CA10: variants seen among roughly 807,000 people sequenced by gnomAD.
CA10 encodes the protein carbonic anhydrase-related protein 10.
A neutral mutation model predicts 44.2 loss-of-function variants in CA10; 14 were observed. The ratio of observed to expected loss-of-function variants is 0.32; its 90% CI spans 0.21 to 0.50. The LOEUF (loss-of-function observed/expected upper bound fraction) is 0.50, where lower values mean the gene tolerates loss of function less well. CA10 is among the 20% of genes least tolerant of loss of function. The probability of loss-of-function intolerance (pLI) is 0.99; values close to 1 mark genes in which losing one functional copy is unlikely to be tolerated. For missense variants in CA10, 350 were observed against 409.7 expected, an observed-to-expected ratio of 0.85 and a Z score of 1.26; for synonymous variants, 159 against 141.6, an observed-to-expected ratio of 1.12 and a Z score of -0.87.
At chr17:51,984,099 CT>C (rs1984745965) in intron 2 of CA10, among the ~76,000 whole-genome samples, 1 of 151,632 alleles carries the variant, frequency 6.6e-6, no homozygotes, top group African/African-American at 2.4e-5. Context: ...TTCTATTAGA[CT>C]ACTAATGTAA....
intron 4 of CA10, among the ~76,000 whole-genome samples, chr17:51,674,547 C>T (rs891356748): frequency 6.6e-6 from 1 of 152,074 alleles, no homozygotes; most frequent in Non-Finnish European, 1.5e-5. Flanking sequence ...TTCCCAGAGG[C>T]ATATATAGAA....
intron 4 of CA10, among the ~76,000 whole-genome samples, chr17:51,746,056 C>T (rs1904675222): frequency 6.6e-6 from 1 of 152,168 alleles, no homozygotes; most frequent in Admixed American, 6.5e-5. Context: ...CATTACAATG[C>T]CTTTGGCAGA....
intron 3 of CA10, among the ~76,000 whole-genome samples, chr17:51,878,025 TC>T (rs1462737361): frequency 7.3e-5 from 11 of 150,672 alleles, no homozygotes; most frequent in Non-Finnish European, 8.8e-5. Flanking sequence ...ACGTATGTAG[TC>T]CCAGCTACTC....
chr17:52,156,317 C>T (rs561655875), intron 1 of CA10, among the ~76,000 whole-genome samples: 2 of 152,268 alleles, frequency 1.3e-5, no homozygotes, highest in Admixed American at 1.3e-4. Flanking sequence ...ATTTTCACTC[C>T]TAGATGCAGA....
At chr17:51,912,943 G>A (rs1159792311) in intron 3 of CA10, among the ~76,000 whole-genome samples, 2 of 152,182 alleles carry the variant, frequency 1.3e-5, no homozygotes, top group Non-Finnish European at 1.5e-5. Flanking sequence ...CCTTCTGCAG[G>A]CAGTTCACTT....
chr17:51,902,494 A>T (rs1307241697), intron 3 of CA10, among the ~76,000 whole-genome samples: 3 of 152,158 alleles, frequency 2.0e-5, no homozygotes, highest in Admixed American at 2.0e-4. Flanking sequence ...GTTACAGAAA[A>T]TGAGGGGCAG....
At chr17:51,632,477 G>A (rs1238154836) in intron 8 of CA10, among the ~76,000 whole-genome samples, 1 of 152,210 alleles carries the variant, frequency 6.6e-6, no homozygotes, top group Non-Finnish European at 1.5e-5. Context: ...GGAGGATCAA[G>A]GAGTAGTGGT....
chr17:52,004,175 A>C (rs1301564787), intron 2 of CA10, among the ~76,000 whole-genome samples: 2 of 151,952 alleles, frequency 1.3e-5, no homozygotes, highest in East Asian at 3.9e-4. Context: ...GCTTCTTCTT[A>C]TACTATAATT....
intron 3 of CA10, among the ~76,000 whole-genome samples, chr17:51,882,121 T>C (rs1339569066): frequency 6.7e-6 from 1 of 149,664 alleles, no homozygotes; most frequent in Non-Finnish European, 1.5e-5. Context: ...GACTTTAAAA[T>C]AGATGCGTAT....
chr17:52,150,059 T>C (rs925432335), intron 1 of CA10, among the ~76,000 whole-genome samples: 2 of 152,224 alleles, frequency 1.3e-5, no homozygotes, highest in African/African-American at 4.8e-5. Flanking sequence ...CTACACTCTT[T>C]AGTTGTGACT....
intron 2 of CA10, among the ~76,000 whole-genome samples, chr17:52,008,030 A>G (rs927349982): frequency 1.3e-5 from 2 of 151,656 alleles, no homozygotes; most frequent in Non-Finnish European, 3.0e-5. Context: ...CTGTATCTAC[A>G]GTTGCATTAT....
At chr17:51,658,390 C>T (rs968889055) in intron 4 of CA10, among the ~76,000 whole-genome samples, 1 of 152,128 alleles carries the variant, frequency 6.6e-6, no homozygotes, top group African/African-American at 2.4e-5. Context: ...GACTTACTTA[C>T]AGATTGAAAG....
At chr17:52,072,203 C>A in intron 2 of CA10, 116 bp downstream of exon 2, 1 of 683,626 alleles carries the variant, frequency 1.5e-6, no homozygotes, top group Middle Eastern at 3.8e-4. Context: ...ATGGAGTATT[C>A]ATTGCACACA....
At chr17:51,779,656 G>A (rs950147882) in intron 3 of CA10, among the ~76,000 whole-genome samples, 1 of 152,180 alleles carries the variant, frequency 6.6e-6, no homozygotes, top group African/African-American at 2.4e-5. Context: ...CACATTTGGA[G>A]TCAGACTTCT....
At chr17:51,965,595 T>C (rs147513466) in intron 2 of CA10, among the ~76,000 whole-genome samples, 161 of 151,862 alleles carry the variant, frequency 1.1e-3, no homozygotes, top group African/African-American at 3.7e-3. Context: ...TAAACATAAT[T>C]AAACCCAAAA....
At chr17:51,978,368 GTGTGTGTGTCTGTA>G (rs2144082344) in intron 2 of CA10, among the ~76,000 whole-genome samples, 1 of 146,280 alleles carries the variant, frequency 6.8e-6, no homozygotes, top group African/African-American at 2.5e-5. Context: ...ACTCATATCT[GTGTGTGTGTCTGTA>G]TGTGTGTGTG....
intron 1 of CA10, among the ~76,000 whole-genome samples, chr17:52,136,201 T>C (rs1261827903): frequency 6.6e-6 from 1 of 152,206 alleles, no homozygotes; most frequent in Admixed American, 6.5e-5. Flanking sequence ...TAAAAGCACT[T>C]CATTTCACTT....
At chr17:51,793,560 C>T (rs1248578619) in intron 3 of CA10, among the ~76,000 whole-genome samples, 1 of 152,194 alleles carries the variant, frequency 6.6e-6, no homozygotes, top group Admixed American at 6.5e-5. Flanking sequence ...AAACTGTTGG[C>T]TCAGATGGAG....
At chr17:51,818,505 A>G (rs1907651510) in intron 3 of CA10, among the ~76,000 whole-genome samples, 1 of 152,154 alleles carries the variant, frequency 6.6e-6, no homozygotes, top group African/African-American at 2.4e-5. Flanking sequence ...TAGGGAGGCA[A>G]AAGGATTTGC....
Sources: allele counts gnomAD v4.1 joint callset (sites outside exome capture counted in the v4.1 genomes callset), GRCh38; gene constraint gnomAD v4.1.1; transcripts MANE v1.5; gene names NCBI Gene and HGNC (gene_info 2026-07-23, HGNC 2026-07-21).